Variants in RGPD2 observed in about 807,000 individuals in gnomAD.
The protein encoded by RGPD2 is RANBP2 like and GRIP domain containing 2, also known as RANBP2-like and GRIP domain-containing protein 2.
Under a neutral mutation model 36.0 loss-of-function variants are expected in RGPD2, and 2 were observed. The observed-to-expected ratio is 0.06, with a 90% CI of 0.02 to 0.17. RGPD2 has a LOEUF of 0.17. Among genes scored for constraint, RGPD2 ranks in the 10% least tolerant of loss-of-function variants. The pLI, the probability that RGPD2 is intolerant of heterozygous loss-of-function variation, is 1.00. For synonymous variants in RGPD2, 19 were observed against 163.8 expected, an observed-to-expected ratio of 0.12 and a Z score of 6.75; for missense variants, 40 against 464.3, an observed-to-expected ratio of 0.09 and a Z score of 8.40.
chr2:87,848,906 C>A, the RGPD2 span, among the ~76,000 whole-genome samples: 1 of 147,674 alleles, frequency 6.8e-6, no homozygotes, highest in Non-Finnish European at 1.5e-5. Context: ...AAATATAAGC[C>A]CTTTCTTTTA....
chr2:87,759,009 T>C (rs1363940855), intron 22 of RGPD2, among the ~76,000 whole-genome samples: 1 of 145,026 alleles, frequency 6.9e-6, no homozygotes, highest in African/African-American at 2.5e-5. Context: ...ATCCCAGAAT[T>C]AACCTGATTT....
At chr2:87,906,748 T>C in the RGPD2 span, among the ~76,000 whole-genome samples, 2 of 150,904 alleles carry the variant, frequency 1.3e-5, no homozygotes, top group Admixed American at 6.6e-5. Flanking sequence ...TGTGCCTTGA[T>C]TTTTTAAAAA....
chr2:87,864,199 A>G, the RGPD2 span, among the ~76,000 whole-genome samples: 2 of 152,230 alleles, frequency 1.3e-5, no homozygotes, highest in Non-Finnish European at 2.9e-5. Flanking sequence ...GCCCCTGCTC[A>G]ATGTAAATGG....
chr2:87,824,792 G>GC (rs1686593141), intron 1 of RGPD2: 6 of 39,108 alleles, frequency 1.5e-4, no homozygotes, highest in African/African-American at 5.4e-4. Context: ...GGCCGAGGCC[G>GC]AGGCCGCCGC....
chr2:87,866,638 C>T, the RGPD2 span, among the ~76,000 whole-genome samples: 1 of 152,398 alleles, frequency 6.6e-6, no homozygotes, highest in South Asian at 2.1e-4. Flanking sequence ...TGCATGGTGG[C>T]TCCCCTTCTC....
At chr2:87,763,202 G>C (rs1684939838) in intron 22 of RGPD2, among the ~76,000 whole-genome samples, 1 of 129,184 alleles carries the variant, frequency 7.7e-6, no homozygotes. Flanking sequence ...CTGAAGCCCA[G>C]GCTGGAGTGC....
At chr2:87,907,466 A>AAATTAATCGGC in the RGPD2 span, among the ~76,000 whole-genome samples, 1 of 4,370 alleles carries the variant, frequency 2.3e-4, no homozygotes, top group Non-Finnish European at 3.9e-4. Flanking sequence ...AAAAAAAAGA[A>AAATTAATCGGC]TTGTGGGTAT....
At chr2:87,773,704 A>AAG in intron 21 of RGPD2, among the ~76,000 whole-genome samples, 2 of 19,774 alleles carry the variant, frequency 1.0e-4, no homozygotes, top group South Asian at 1.1e-3. Context: ...AAAAAAAAAA[A>AAG]AAAAAGAAAA....
chr2:87,843,663 A>G, the RGPD2 span, among the ~76,000 whole-genome samples: 1 of 152,046 alleles, frequency 6.6e-6, no homozygotes, highest in African/African-American at 2.4e-5. Flanking sequence ...GCAATTCCTC[A>G]GGAATCTAGA....
At chr2:87,893,532 A>G in the RGPD2 span, among the ~76,000 whole-genome samples, 2 of 131,616 alleles carry the variant, frequency 1.5e-5, no homozygotes, top group Admixed American at 1.4e-4. Flanking sequence ...TTTCTATATT[A>G]AGCAGCTATT....
chr2:87,869,770 A>G, the RGPD2 span, among the ~76,000 whole-genome samples: 2 of 152,232 alleles, frequency 1.3e-5, no homozygotes, highest in Non-Finnish European at 2.9e-5. Flanking sequence ...CAAAGTATTT[A>G]TATTCCAGCT....
At chr2:87,978,315 C>A in the RGPD2 span, among the ~76,000 whole-genome samples, 1 of 138,904 alleles carries the variant, frequency 7.2e-6, no homozygotes. Context: ...TGAACAGAAA[C>A]TTCACAAAAA....
At chr2:87,827,671 G>A (rs1329922530), upstream of RGPD2, among the ~76,000 whole-genome samples, 5 of 60,442 alleles carry the variant, frequency 8.3e-5, no homozygotes, top group Non-Finnish European at 6.5e-5. Context: ...TAAGTTTCTG[G>A]TTATCTGGTG....
the RGPD2 span, among the ~76,000 whole-genome samples, chr2:87,914,076 GAAGT>G: frequency 6.6e-6 from 1 of 151,710 alleles, no homozygotes. Flanking sequence ...TTCTAAATTG[GAAGT>G]AAGTATAGCC....
the RGPD2 span, among the ~76,000 whole-genome samples, chr2:87,840,420 T>C: frequency 6.7e-6 from 1 of 149,862 alleles, no homozygotes; most frequent in Non-Finnish European, 1.5e-5. Flanking sequence ...AATTCTGTTA[T>C]TTTTAGCTGC....
At chr2:87,875,767 G>C in the RGPD2 span, among the ~76,000 whole-genome samples, 1 of 152,396 alleles carries the variant, frequency 6.6e-6, no homozygotes, top group South Asian at 2.1e-4. Flanking sequence ...TCAATTGTTT[G>C]CAATAGTCTC....
chr2:87,974,038 G>A, the RGPD2 span, among the ~76,000 whole-genome samples: 2 of 151,940 alleles, frequency 1.3e-5, no homozygotes, highest in Non-Finnish European at 1.5e-5. Flanking sequence ...AACTCCGGGG[G>A]CATCAATGCA....
the RGPD2 span, among the ~76,000 whole-genome samples, chr2:87,845,830 C>A: frequency 6.6e-6 from 1 of 151,942 alleles, no homozygotes; most frequent in South Asian, 2.1e-4. Context: ...AAGACTTTTG[C>A]TTTAAGATAA....
the RGPD2 span, among the ~76,000 whole-genome samples, chr2:87,961,378 C>G: frequency 2.6e-5 from 4 of 151,900 alleles, no homozygotes; most frequent in Admixed American, 6.6e-5. Flanking sequence ...TGCACTCGGC[C>G]GGGCTCTTGG....
Sources: gnomAD v4.1 joint callset for allele counts (sites outside exome capture counted in the v4.1 genomes callset) on GRCh38, gnomAD v4.1.1 for gene constraint, MANE v1.5 for transcripts, NCBI Gene and HGNC (gene_info 2026-07-23, HGNC 2026-07-21) for gene names.